CABCOCO1: variants seen among roughly 807,000 people sequenced by gnomAD.
CABCOCO1 encodes ciliary-associated calcium-binding coiled-coil protein 1.
In CABCOCO1, 28 loss-of-function variants were observed where a neutral mutation model predicts 35.7. The observed-to-expected ratio is 0.78, with a 90% CI of 0.58 to 1.07. The LOEUF (loss-of-function observed/expected upper bound fraction) is 1.07. Ranked by LOEUF, CABCOCO1 falls within the 50% of genes least tolerant of loss-of-function variation. The pLI, the probability that CABCOCO1 is intolerant of heterozygous loss-of-function variation, is 0.00. For missense variants in CABCOCO1, 326 were observed against 309.2 expected (o/e 1.05, Z -0.41); for synonymous variants, 95 against 100.1 (o/e 0.95, Z 0.30).
At chr10:61,680,606 AACATGT>A (rs1839719158) in intron 2 of CABCOCO1, among the ~76,000 whole-genome samples, 4 of 17,214 alleles carry the variant, frequency 2.3e-4, no homozygotes, top group Non-Finnish European at 3.8e-4. Context: ...ATACATGTAT[AACATGT>A]TATACATAAC....
At chr10:61,715,777 T>C (rs1299068509) in intron 5 of CABCOCO1, among the ~76,000 whole-genome samples, 1 of 152,186 alleles carries the variant, frequency 6.6e-6, no homozygotes, top group Non-Finnish European at 1.5e-5. Flanking sequence ...TGAAGCTTAG[T>C]TTGGCTGGAT....
intron 5 of CABCOCO1, among the ~76,000 whole-genome samples, chr10:61,757,472 T>A (rs945036373): frequency 2.6e-5 from 4 of 152,032 alleles, no homozygotes; most frequent in Admixed American, 2.6e-4. Flanking sequence ...ACTAATAGTA[T>A]GCAAAACACC....
chr10:61,705,104 G>A (rs937309989), intron 5 of CABCOCO1, among the ~76,000 whole-genome samples: 1 of 152,136 alleles, frequency 6.6e-6, no homozygotes, highest in Non-Finnish European at 1.5e-5. Context: ...TATGGAGAGA[G>A]GTGCTTCAGT....
chr10:61,670,623 C>T (rs1206373201), intron 1 of CABCOCO1, among the ~76,000 whole-genome samples: 1 of 152,168 alleles, frequency 6.6e-6, no homozygotes, highest in Non-Finnish European at 1.5e-5. Context: ...TACCGCAAGG[C>T]AGTTTTTTTG....
intron 5 of CABCOCO1, among the ~76,000 whole-genome samples, chr10:61,737,305 T>TG (rs1356088648): frequency 2.0e-5 from 3 of 152,132 alleles, no homozygotes; most frequent in African/African-American, 4.8e-5. Context: ...AAATAACAGA[T>TG]GCTGGTGAGG....
At chr10:61,667,631 C>T (rs572151512) in intron 1 of CABCOCO1, among the ~76,000 whole-genome samples, 2 of 151,722 alleles carry the variant, frequency 1.3e-5, no homozygotes, top group Non-Finnish European at 3.0e-5. Context: ...ATATTTATAA[C>T]CAAGTATAAT....
chr10:61,710,797 T>C (rs913200911), intron 5 of CABCOCO1, among the ~76,000 whole-genome samples: 5 of 151,816 alleles, frequency 3.3e-5, no homozygotes, highest in African/African-American at 9.7e-5. Flanking sequence ...AATATGAGCA[T>C]GTCAAGGTGG....
chr10:61,727,780 G>A (rs955753927), intron 5 of CABCOCO1, among the ~76,000 whole-genome samples: 2 of 152,110 alleles, frequency 1.3e-5, no homozygotes, highest in African/African-American at 4.8e-5. Flanking sequence ...ACACCTAACT[G>A]GTAATATTTT....
chr10:61,680,795 AACTT>A (rs1354757009), intron 2 of CABCOCO1, among the ~76,000 whole-genome samples: 1 of 146,152 alleles, frequency 6.8e-6, no homozygotes, highest in Non-Finnish European at 1.5e-5. Context: ...AAATAAAAGA[AACTT>A]AATTTTATAA....
chr10:61,750,865 G>C (rs760595933), intron 5 of CABCOCO1, among the ~76,000 whole-genome samples: 2 of 152,166 alleles, frequency 1.3e-5, no homozygotes, highest in African/African-American at 4.8e-5. Flanking sequence ...AATGCCCCCC[G>C]TGTATAAAGG....
chr10:61,760,008 T>A (rs370103152), intron 5 of CABCOCO1, 51 bp from the exon 6 acceptor site: 4 of 1,606,588 alleles, frequency 2.5e-6, no homozygotes, highest in Non-Finnish European at 3.4e-6. Flanking sequence ...ACCGAAACTG[T>A]GGTTGCTCAC....
At chr10:61,727,052 A>T (rs765919881) in intron 5 of CABCOCO1, among the ~76,000 whole-genome samples, 15 of 151,022 alleles carry the variant, frequency 9.9e-5, no homozygotes, top group Admixed American at 9.9e-4. Flanking sequence ...ACACAGTGAG[A>T]CCCTGCCACA....
At chr10:61,723,423 G>A (rs960480398) in intron 5 of CABCOCO1, among the ~76,000 whole-genome samples, 7 of 152,066 alleles carry the variant, frequency 4.6e-5, no homozygotes, top group African/African-American at 1.4e-4. Flanking sequence ...CTAAGACAAG[G>A]TCCTACATTA....
At chr10:61,665,464 C>G (rs1839136067) in intron 1 of CABCOCO1, among the ~76,000 whole-genome samples, 1 of 152,154 alleles carries the variant, frequency 6.6e-6, no homozygotes, top group African/African-American at 2.4e-5. Context: ...TGACAAAAAT[C>G]TGAAAATAAA....
chr10:61,687,091 A>G (rs1253061100), intron 4 of CABCOCO1, among the ~76,000 whole-genome samples: 2 of 152,208 alleles, frequency 1.3e-5, no homozygotes, highest in African/African-American at 4.8e-5. Context: ...TGAAATCTAG[A>G]AAGCTTTTTA....
At chr10:61,708,496 T>G (rs1209522682) in intron 5 of CABCOCO1, among the ~76,000 whole-genome samples, 1 of 152,124 alleles carries the variant, frequency 6.6e-6, no homozygotes, top group Non-Finnish European at 1.5e-5. Context: ...TTCTAGAGAC[T>G]GGTAAATCCA....
intron 5 of CABCOCO1, among the ~76,000 whole-genome samples, chr10:61,747,792 A>G (rs1362381340): frequency 6.6e-6 from 1 of 152,190 alleles, no homozygotes; most frequent in African/African-American, 2.4e-5. Flanking sequence ...TACAGAGTTA[A>G]TTTATAAATA....
chr10:61,672,361 G>A (rs1486102616), intron 1 of CABCOCO1, among the ~76,000 whole-genome samples: 1 of 152,128 alleles, frequency 6.6e-6, no homozygotes, highest in Non-Finnish European at 1.5e-5. Context: ...GATTCAATGA[G>A]GAATGTTTAG....
At chr10:61,679,388 A>G (rs1839638040) in intron 2 of CABCOCO1, among the ~76,000 whole-genome samples, 1 of 152,122 alleles carries the variant, frequency 6.6e-6, no homozygotes, top group Admixed American at 6.6e-5. Flanking sequence ...TTAAAGTACC[A>G]TTCCAGGAAC....
Sources: gnomAD v4.1 joint callset for allele counts (sites outside exome capture counted in the v4.1 genomes callset) on GRCh38, gnomAD v4.1.1 for gene constraint, MANE v1.5 for transcripts, NCBI Gene and HGNC (gene_info 2026-07-23, HGNC 2026-07-21) for gene names.